Variants in MDH2 observed in about 807,000 individuals in gnomAD.
MDH2 encodes malate dehydrogenase, mitochondrial.
Under a neutral mutation model 33.6 loss-of-function variants are expected in MDH2, and 25 were observed. The observed-to-expected ratio is 0.74, with a 90% CI of 0.54 to 1.04. The LOEUF is 1.04. Ranked by LOEUF, MDH2 falls within the 50% of genes least tolerant of loss-of-function variation. The pLI is 0.00. For synonymous variants in MDH2, 193 were observed against 188.7 expected (o/e 1.02, Z -0.19); for missense variants, 432 against 445.0 (o/e 0.97, Z 0.26).
chr7:76,050,087 A>G (rs1554585192), intron 1 of MDH2, among the ~76,000 whole-genome samples: 1 of 151,920 alleles, frequency 6.6e-6, no homozygotes, highest in Non-Finnish European at 1.5e-5. Flanking sequence ...GATGGAGTGC[A>G]GTGGCGCCAT....
At chr7:76,049,532 C>T (rs1253818798) in intron 1 of MDH2, among the ~76,000 whole-genome samples, 3 of 151,850 alleles carry the variant, frequency 2.0e-5, no homozygotes, top group Non-Finnish European at 2.9e-5. Context: ...CGATGAAGGT[C>T]TTAGGGAATG....
chr7:76,064,315 C>A, intron 6 of MDH2, 24 bp from the exon 7 acceptor site: 2 of 1,591,384 alleles, frequency 1.3e-6, no homozygotes, highest in Admixed American at 1.7e-5. Flanking sequence ...AAGCCACTCA[C>A]TGATCCCATG....
rs1214570787 is a variant in MDH2, at chr7:76,067,206, T to C, written c.*796T>C. 1 of 152,160 alleles carries C rather than the reference T, an allele frequency of 6.6e-6. No individual in the cohort carries two copies. The highest frequency in any genetic ancestry group is 1.5e-5 in the Non-Finnish European group (1 of 68,026). The allele number at this position is 152,160 out of a possible 1,614,324, so 9.4% of individuals were successfully genotyped here. A position where few individuals can be genotyped will look rare whatever the true frequency, so the allele number is the denominator to read the frequency against. On this transcript the variant is annotated 3_prime_UTR_variant, in exon 9 of 9. Transcript: ENST00000315758. ...ATTAAAGAGATTTGACTCCCTTTAG[T>C]ATTGGGGGCAGTCCGTTCCCCAGAC...
intron 1 of MDH2, chr7:76,048,486 T>A: frequency 7.8e-7 from 1 of 1,275,166 alleles, no homozygotes. Flanking sequence ...CTCCCAGATT[T>A]CCCAGAGGAC....
At chr7:76,048,999 T>TC (rs1797482742) in intron 1 of MDH2, 1 of 195,302 alleles carries the variant, frequency 5.1e-6, no homozygotes, top group Non-Finnish European at 6.1e-6. Flanking sequence ...GGGGGGGGGG[T>TC]CCGCATTTTT....
At chr7:76,048,303 T>G in intron 1 of MDH2, 77 bp downstream of exon 1, 1 of 1,490,860 alleles carries the variant, frequency 6.7e-7, no homozygotes, top group Non-Finnish European at 8.9e-7. Context: ...CGCGGGCAGC[T>G]CTGACCCTCT....
At chr7:76,059,788 G>C (rs979770660) in intron 4 of MDH2, among the ~76,000 whole-genome samples, 1 of 152,184 alleles carries the variant, frequency 6.6e-6, no homozygotes. Flanking sequence ...TATTCCCTTT[G>C]TTGGGGAGCT....
At chr7:76,048,272 G>C (rs1350955707) in intron 1 of MDH2, 46 bp downstream of exon 1, 1 of 1,518,168 alleles carries the variant, frequency 6.6e-7, no homozygotes, top group Admixed American at 2.0e-5. Flanking sequence ...CCCCCGGCCC[G>C]GGCCACGTGC....
At chr7:76,059,645 G>A (rs1180929146) in intron 4 of MDH2, among the ~76,000 whole-genome samples, 1 of 152,212 alleles carries the variant, frequency 6.6e-6, no homozygotes, top group African/African-American at 2.4e-5. Context: ...CAATTGGGGT[G>A]AAGGGGCAGG....
At chr7:76,054,239 T>A (rs1300974735) in intron 1 of MDH2, among the ~76,000 whole-genome samples, 4 of 145,740 alleles carry the variant, frequency 2.7e-5, no homozygotes, top group Non-Finnish European at 6.1e-5. Context: ...CGTAACCCCT[T>A]CCACCTCTTG....
chr7:76,066,590 A>G lies in MDH2; in HGVS notation c.*180A>G, dbSNP rs3815457. ...ATCAATAAAAGCCGTCCTTGATTTT[A>G]TTTTTCAAGGTCCCTTCTGTAAATG... On this transcript the variant is annotated 3_prime_UTR_variant, in exon 9 of 9. Coordinates refer to ENST00000315758, the MANE Select transcript of MDH2 (RefSeq NM_005918.4). The G allele has an allele frequency of 0.066, 45,867 of 695,728 alleles. 3,608 individuals carry two copies. Among genetic ancestry groups the G allele is most frequent in the African/African-American group, 0.3 (16,567 of 54,400 alleles). 43.1% of individuals were successfully genotyped at this position (695,728 alleles called of 1,614,324 possible).
chr7:76,056,266 C>T (rs1554586270), intron 2 of MDH2, among the ~76,000 whole-genome samples: 2 of 152,144 alleles, frequency 1.3e-5, no homozygotes, highest in African/African-American at 4.8e-5. Context: ...TTTATCTTTA[C>T]ATCTTGTTGA....
chr7:76,065,014 GC>G, intron 8 of MDH2, 61 bp downstream of exon 8: 1 of 1,559,044 alleles, frequency 6.4e-7, no homozygotes, highest in Non-Finnish European at 8.7e-7. Flanking sequence ...CTTTGCTTAA[GC>G]CTCAGGAGCT....
chr7:76,051,234 A>C (rs1797616844), intron 1 of MDH2, among the ~76,000 whole-genome samples: 1 of 152,006 alleles, frequency 6.6e-6, no homozygotes. Flanking sequence ...TTGGGCATAC[A>C]AGCGACATTG....
At chr7:76,061,051 C>T (rs782439827) in intron 5 of MDH2, among the ~76,000 whole-genome samples, 17 of 152,086 alleles carry the variant, frequency 1.1e-4, no homozygotes, top group South Asian at 2.1e-4. Context: ...GGCCGCTGGA[C>T]GGAGACTGAG....
In MDH2 at chr7:76,048,368, C is replaced by T. The variant is rs564033146; in HGVS notation, c.66+142C>T. 1.3e-5 allele frequency: 16 copies of T among 1,279,536 alleles called. No individual in the cohort carries two copies. The African/African-American group carries it at 2.0e-4, about 16-fold the overall frequency. The allele number at this position is 1,279,536 out of a possible 1,614,324, so 79.3% of individuals were successfully genotyped here. On this transcript the variant is annotated intron_variant, in intron 1 of 8. Transcript: ENST00000315758. ...GGCACTGGCTGGAGACTGTGGCGCC[C>T]GGGGCAGGCCCTGACACTGGCCTGG... is the stretch of plus-strand genomic sequence containing the variant.
intron 7 of MDH2, 21 bp downstream of exon 7, chr7:76,064,459 G>T (rs778965412): frequency 1.3e-6 from 2 of 1,597,174 alleles, no homozygotes; most frequent in South Asian, 2.2e-5. Flanking sequence ...AGGCAGCCCC[G>T]GGGCTGGGTG....
In MDH2 at chr7:76,064,366, G is replaced by C. The variant is rs782697947; in HGVS notation, c.661G>C (p.Asp221His). 8.1e-6 allele frequency: 13 copies of C among 1,613,488 alleles called. No individual in the cohort carries two copies. The South Asian group carries it at 1.4e-4, about 18-fold the overall frequency. ...CACCCCCAAGGTGGACTTTCCCCAGGACCAGCTGACAGCACTCACTGGGCG... is the reference window on the plus strand; with the variant it reads ...CACCCCCAAGGTGGACTTTCCCCAGCACCAGCTGACAGCACTCACTGGGCG... ...QCTPKVDFPQ[D>H]QLTALTGRIQ... Residue 221 changes from aspartate to histidine, a missense_variant, in exon 7 of 9, where the codon GAC becomes CAC. Transcript: ENST00000315758.
chr7:76,060,529 C>T (rs782569607), intron 5 of MDH2, 31 bp downstream of exon 5: 17 of 1,610,118 alleles, frequency 1.1e-5, no homozygotes, highest in Non-Finnish European at 1.4e-5. Context: ...GCTCAGGTGA[C>T]CTTTCTGAAC....
Sources: gnomAD v4.1 joint callset for allele counts (sites outside exome capture counted in the v4.1 genomes callset) on GRCh38, gnomAD v4.1.1 for gene constraint, MANE v1.5 for transcripts, NCBI Gene and HGNC (gene_info 2026-07-23, HGNC 2026-07-21) for gene names.